Variants in TMEM132D observed in about 807,000 individuals in gnomAD.
TMEM132D encodes the protein mature OL transmembrane protein.
In TMEM132D, 21 loss-of-function variants were observed where a neutral mutation model predicts 62.3. The ratio of observed to expected loss-of-function variants is 0.34; its 90% CI spans 0.24 to 0.49. The LOEUF (loss-of-function observed/expected upper bound fraction) is 0.49, where lower values mean the gene tolerates loss of function less well. Among genes scored for constraint, TMEM132D ranks in the 20% least tolerant of loss-of-function variants. The probability of loss-of-function intolerance (pLI) is 0.99; values close to 1 mark genes in which losing one functional copy is unlikely to be tolerated. For synonymous variants in TMEM132D, 621 were observed against 575.6 expected (o/e 1.08, Z -1.13); for missense variants, 1,346 against 1,402.8 (o/e 0.96, Z 0.65).
At chr12:129,652,258 G>A (rs780859077) in intron 2 of TMEM132D, among the ~76,000 whole-genome samples, 1 of 152,202 alleles carries the variant, frequency 6.6e-6, no homozygotes, top group Non-Finnish European at 1.5e-5. Flanking sequence ...GCTGGCAACC[G>A]TGGGGCTGGT....
At chr12:129,393,153 C>A (rs11060312) in intron 3 of TMEM132D, among the ~76,000 whole-genome samples, 7,732 of 152,286 alleles carry the variant, frequency 0.051, 399 homozygotes, top group East Asian at 0.21. Flanking sequence ...CCAGTCAAAG[C>A]TTTATCTGTG....
intron 2 of TMEM132D, among the ~76,000 whole-genome samples, chr12:129,655,330 T>C (rs1441372086): frequency 6.7e-6 from 1 of 149,480 alleles, no homozygotes; most frequent in Non-Finnish European, 1.5e-5. Context: ...CACCATAACC[T>C]CCGCCTCCCT....
chr12:129,617,176 C>T (rs553366596), intron 2 of TMEM132D, among the ~76,000 whole-genome samples: 1 of 152,290 alleles, frequency 6.6e-6, no homozygotes, highest in Non-Finnish European at 1.5e-5. Context: ...CAGGTGAGAA[C>T]TGATGGAGAA....
intron 2 of TMEM132D, among the ~76,000 whole-genome samples, chr12:129,580,735 A>AATCAATCAATC (rs374127717): frequency 4.4e-4 from 67 of 151,272 alleles, no homozygotes; most frequent in African/African-American, 1.6e-3. Context: ...AAATAAAAAT[A>AATCAATCAATC]AATAAATAAA....
At chr12:129,794,004 G>A (rs1413827115) in intron 1 of TMEM132D, among the ~76,000 whole-genome samples, 1 of 151,654 alleles carries the variant, frequency 6.6e-6, no homozygotes, top group African/African-American at 2.4e-5. Flanking sequence ...ACACATATTG[G>A]ATTTTTTAAC....
At chr12:129,281,753 T>C (rs1313554145) in intron 4 of TMEM132D, among the ~76,000 whole-genome samples, 1 of 152,208 alleles carries the variant, frequency 6.6e-6, no homozygotes, top group African/African-American at 2.4e-5. Flanking sequence ...CCAGCTCCCA[T>C]TGGCCAAAAG....
intron 2 of TMEM132D, among the ~76,000 whole-genome samples, chr12:129,614,676 G>A (rs1878867994): frequency 6.6e-6 from 1 of 152,136 alleles, no homozygotes; most frequent in Non-Finnish European, 1.5e-5. Flanking sequence ...GAAGAAATGA[G>A]TGAAACCAGG....
intron 5 of TMEM132D, among the ~76,000 whole-genome samples, chr12:129,152,131 C>T (rs954842508): frequency 6.6e-6 from 1 of 152,200 alleles, no homozygotes; most frequent in African/African-American, 2.4e-5. Context: ...CTACCCCCGC[C>T]TTGGCCTCCC....
chr12:129,192,240 A>G (rs908601230), intron 5 of TMEM132D, among the ~76,000 whole-genome samples: 13 of 152,210 alleles, frequency 8.5e-5, no homozygotes, highest in Non-Finnish European at 1.9e-4. Flanking sequence ...ATGTTGCTCA[A>G]GAATATCAGA....
intron 8 of TMEM132D, among the ~76,000 whole-genome samples, chr12:129,077,646 A>G (rs1373469149): frequency 6.6e-6 from 1 of 151,082 alleles, no homozygotes; most frequent in African/African-American, 2.4e-5. Flanking sequence ...ACACACATGC[A>G]TACGGACACA....
intron 2 of TMEM132D, among the ~76,000 whole-genome samples, chr12:129,556,188 C>CA (rs11464855): frequency 0.012 from 1,815 of 152,284 alleles, 23 homozygotes; most frequent in African/African-American, 0.041. Flanking sequence ...TTGGGAAGAA[C>CA]AGTCATGCTC....
chr12:129,413,559 C>T (rs1489434698), intron 3 of TMEM132D, among the ~76,000 whole-genome samples: 2 of 152,044 alleles, frequency 1.3e-5, no homozygotes, highest in Non-Finnish European at 2.9e-5. Flanking sequence ...ATTTTCTCAC[C>T]CTAGAGAAAT....
chr12:129,752,159 T>C (rs114260145), intron 1 of TMEM132D, among the ~76,000 whole-genome samples: 166 of 152,222 alleles, frequency 1.1e-3, no homozygotes, highest in African/African-American at 3.8e-3. Flanking sequence ...ACTTCAATAT[T>C]TAATAAAGAA....
intron 5 of TMEM132D, among the ~76,000 whole-genome samples, chr12:129,191,939 C>T (rs908694048): frequency 6.6e-6 from 1 of 152,184 alleles, no homozygotes; most frequent in Admixed American, 6.5e-5. Flanking sequence ...TATGTTTATG[C>T]CAAAGACTCT....
intron 1 of TMEM132D, among the ~76,000 whole-genome samples, chr12:129,886,783 G>A (rs967471901): frequency 1.3e-5 from 2 of 152,130 alleles, no homozygotes; most frequent in African/African-American, 2.4e-5. Flanking sequence ...GGGACCCGGT[G>A]GGAGGTACCT....
chr12:129,220,140 T>A (rs1379054627), intron 4 of TMEM132D, among the ~76,000 whole-genome samples: 1 of 152,140 alleles, frequency 6.6e-6, no homozygotes, highest in Non-Finnish European at 1.5e-5. Context: ...CGGAAAAGGA[T>A]TTATTCAGGA....
intron 3 of TMEM132D, among the ~76,000 whole-genome samples, chr12:129,507,180 T>C (rs573115302): frequency 3.3e-5 from 5 of 151,880 alleles, no homozygotes; most frequent in Non-Finnish European, 7.4e-5. Context: ...CCTACAATAA[T>C]GGCCATAATA....
In TMEM132D at chr12:129,531,222, G is replaced by A. The variant is rs752278534; in HGVS notation, c.969-17C>T. On this transcript the variant is annotated splice_polypyrimidine_tract_variant and intron_variant, in intron 2 of 8. Transcript: ENST00000422113. ...ACCTTTGCCCTGTTGGAGACAGCAC[G>A]TGTGGGTCTGAGTCAGCTCTGGGGA... 14 of 1,598,196 alleles carry A rather than the reference G, an allele frequency of 8.8e-6. No homozygotes were observed. The highest frequency in any genetic ancestry group is 2.2e-4 in the Middle Eastern group (1 of 4,466).
chr12:129,591,086 G>A lies in TMEM132D; in HGVS notation c.969-59881C>T, dbSNP rs370524967. On this transcript the variant is annotated intron_variant, in intron 2 of 8. Transcript: ENST00000422113. ...TCCACAAAAGGAATGAAGGCAGAAC[G>A]TCTCCAAACCCAAGGCATGAAAGAA... 2.2e-4 allele frequency among the ~76,000 whole-genome samples: 34 copies of A among 152,246 alleles called. No homozygotes were observed. The East Asian group carries it at 3.1e-3, about 14-fold the overall frequency.
Sources: allele counts gnomAD v4.1 joint callset (sites outside exome capture counted in the v4.1 genomes callset), GRCh38; gene constraint gnomAD v4.1.1; transcripts MANE v1.5; gene names NCBI Gene and HGNC (gene_info 2026-07-23, HGNC 2026-07-21).